FSTL5: variants seen among roughly 807,000 people sequenced by gnomAD.
FSTL5 encodes follistatin-related protein 5.
Under a neutral mutation model 89.1 loss-of-function variants are expected in FSTL5, and 62 were observed. The observed-to-expected ratio is 0.70, with a 90% CI of 0.57 to 0.86. FSTL5 has a LOEUF of 0.86. Among genes scored for constraint, FSTL5 ranks in the 40% least tolerant of loss-of-function variants. FSTL5 has a pLI of 0.00. For missense variants in FSTL5, 1,057 were observed against 1,001.6 expected, an observed-to-expected ratio of 1.06 and a Z score of -0.75; for synonymous variants, 383 against 346.2, an observed-to-expected ratio of 1.11 and a Z score of -1.18.
At chr4:161,750,971 A>T (rs2126781579) in intron 6 of FSTL5, among the ~76,000 whole-genome samples, 1 of 152,310 alleles carries the variant, frequency 6.6e-6, no homozygotes, top group African/African-American at 2.4e-5. Flanking sequence ...AAAAAAGCAA[A>T]TACTTAAAAA....
Position 161,656,342 on chromosome 4 carries a change from A to T in FSTL5, c.880T>A (p.Leu294Met). Residue 294 changes from leucine (L) to methionine (M), a missense_variant, in exon 7 of 16, where the codon TTG becomes ATG. Around this residue, in one of 3 missense-constraint regions of FSTL5, gnomAD observed 980 missense variants for 903.2 expected, o/e 1.08. Transcript: ENST00000306100. ...TATGTACTCACATTGATGTCTTCCA[A>T]ATCTAAATTATTTAGAATAATATTG... ...RNNIILNNLD[L>M]EDINDFGDDG... The T allele has an allele frequency of 1.3e-6, 2 of 1,572,982 alleles. No homozygotes were observed. The highest frequency in any genetic ancestry group is 1.7e-6 in the Non-Finnish European group (2 of 1,153,338).
At chr4:161,914,505 C>T (rs1275327121) in intron 4 of FSTL5, among the ~76,000 whole-genome samples, 1 of 152,002 alleles carries the variant, frequency 6.6e-6, no homozygotes, top group African/African-American at 2.4e-5. Flanking sequence ...AATAGATATT[C>T]TATTTGTCAT....
intron 4 of FSTL5, among the ~76,000 whole-genome samples, chr4:161,804,786 C>T (rs1419777540): frequency 6.6e-6 from 1 of 151,910 alleles, no homozygotes; most frequent in Non-Finnish European, 1.5e-5. Flanking sequence ...ACTCTTAAGA[C>T]CTTTAAAATA....
intron 3 of FSTL5, among the ~76,000 whole-genome samples, chr4:161,948,386 G>C (rs1255005903): frequency 6.6e-6 from 1 of 150,832 alleles, no homozygotes; most frequent in Non-Finnish European, 1.5e-5. Flanking sequence ...TATAGTGCAA[G>C]TCAGGTGGAG....
chr4:161,451,565 T>C (rs1226935188), intron 15 of FSTL5, among the ~76,000 whole-genome samples: 2 of 152,224 alleles, frequency 1.3e-5, no homozygotes, highest in African/African-American at 2.4e-5. Flanking sequence ...CATTATTTTA[T>C]TCCAGTCCTT....
At chr4:161,513,272 G>GAGAGAGAGAGAGA (rs1730707497) in intron 10 of FSTL5, among the ~76,000 whole-genome samples, 2 of 110,026 alleles carry the variant, frequency 1.8e-5, no homozygotes, top group Admixed American at 1.1e-4. Flanking sequence ...ACAAGGAGGG[G>GAGAGAGAGAGAGA]GAGAGAGAGA....
At chr4:161,462,176 TC>T (rs1733605959) in intron 13 of FSTL5, among the ~76,000 whole-genome samples, 1 of 152,190 alleles carries the variant, frequency 6.6e-6, no homozygotes, top group Admixed American at 6.5e-5. Flanking sequence ...TTGGAGGTCC[TC>T]CAGCCAATAA....
At chr4:161,588,501 G>A (rs1733696852) in intron 7 of FSTL5, among the ~76,000 whole-genome samples, 1 of 151,678 alleles carries the variant, frequency 6.6e-6, no homozygotes, top group Non-Finnish European at 1.5e-5. Flanking sequence ...AAAAAGAAAG[G>A]AAGAAAAAAA....
At chr4:161,925,727 G>A (rs1340216013) in intron 3 of FSTL5, among the ~76,000 whole-genome samples, 2 of 151,632 alleles carry the variant, frequency 1.3e-5, no homozygotes, top group African/African-American at 2.4e-5. Context: ...TACAGATTTG[G>A]TACATAGAAC....
At chr4:161,966,208 C>T (rs564725205) in intron 3 of FSTL5, among the ~76,000 whole-genome samples, 1 of 152,108 alleles carries the variant, frequency 6.6e-6, no homozygotes, top group South Asian at 2.1e-4. Context: ...GGTTGTGGAA[C>T]CTAAATTTCA....
At chr4:162,035,418 T>A (rs1295213491) in intron 2 of FSTL5, 1 of 152,060 alleles carries the variant, frequency 6.6e-6, no homozygotes, top group Non-Finnish European at 1.5e-5. Flanking sequence ...GATCCAAGCA[T>A]ATATATGTGA....
chr4:162,113,531 A>C (rs1326303597), intron 1 of FSTL5, among the ~76,000 whole-genome samples: 1 of 152,208 alleles, frequency 6.6e-6, no homozygotes, highest in East Asian at 1.9e-4. Context: ...TAATAACTTT[A>C]GCATATTTTC....
chr4:161,975,912 G>T (rs1431882632), intron 3 of FSTL5, among the ~76,000 whole-genome samples: 1 of 150,650 alleles, frequency 6.6e-6, no homozygotes, highest in Admixed American at 6.6e-5. Context: ...CCAGGAGACC[G>T]AGACCATCCT....
chr4:161,689,903 T>C (rs775084318), intron 6 of FSTL5, among the ~76,000 whole-genome samples: 9 of 152,190 alleles, frequency 5.9e-5, no homozygotes, highest in Non-Finnish European at 1.3e-4. Context: ...TCATCCAATA[T>C]ATGACCTTTT....
At chr4:161,505,197 G>A (rs918139461) in intron 11 of FSTL5, among the ~76,000 whole-genome samples, 4 of 152,138 alleles carry the variant, frequency 2.6e-5, no homozygotes, top group Non-Finnish European at 5.9e-5. Flanking sequence ...GGCAAGAATA[G>A]ATTGCGTTGC....
chr4:161,509,105 C>A (rs529054347), intron 11 of FSTL5, among the ~76,000 whole-genome samples: 1 of 152,234 alleles, frequency 6.6e-6, no homozygotes, highest in Admixed American at 6.5e-5. Flanking sequence ...GAGTTCATGA[C>A]CAGCCTGGCC....
chr4:161,539,075 T>C (rs556219860), intron 9 of FSTL5, among the ~76,000 whole-genome samples: 49 of 152,112 alleles, frequency 3.2e-4, no homozygotes, highest in African/African-American at 1.2e-3. Flanking sequence ...CACCTGGCAG[T>C]TGAGTGTTTG....
chr4:162,053,008 G>C (rs1055887997), intron 2 of FSTL5, among the ~76,000 whole-genome samples: 5 of 151,720 alleles, frequency 3.3e-5, no homozygotes, highest in African/African-American at 1.2e-4. Context: ...ATAGGGAATT[G>C]TGACAAAAAG....
chr4:161,848,769 C>T (rs1482529404), intron 4 of FSTL5, among the ~76,000 whole-genome samples: 4 of 152,110 alleles, frequency 2.6e-5, no homozygotes, highest in African/African-American at 9.7e-5. Context: ...TGTTCTGATC[C>T]TCATGAAAGA....
Sources: allele counts gnomAD v4.1 joint callset (sites outside exome capture counted in the v4.1 genomes callset), GRCh38; gene constraint gnomAD v4.1.1; regional missense constraint gnomAD v4.1.1; transcripts MANE v1.5; gene names NCBI Gene and HGNC (gene_info 2026-07-23, HGNC 2026-07-21).